Variants in TPD52L1 observed in about 807,000 individuals in gnomAD.
TPD52L1 encodes the protein TPD52 like 1.
Under a neutral mutation model 28.7 loss-of-function variants are expected in TPD52L1, and 18 were observed. That is an observed-to-expected ratio of 0.63 (90% CI 0.43 to 0.93). TPD52L1 has a LOEUF of 0.93. Ranked by LOEUF, TPD52L1 falls within the 40% of genes least tolerant of loss-of-function variation. TPD52L1 has a pLI of 0.00. For missense variants in TPD52L1, 203 were observed against 254.8 expected (o/e 0.80, Z 1.39); for synonymous variants, 75 against 88.8 (o/e 0.84, Z 0.88).
chr6:125,241,179 C>T (rs931573501), intron 3 of TPD52L1, among the ~76,000 whole-genome samples: 1 of 152,110 alleles, frequency 6.6e-6, no homozygotes, highest in East Asian at 1.9e-4. Context: ...ATGAAATCCA[C>T]TTGATCATGG....
intron 1 of TPD52L1, among the ~76,000 whole-genome samples, chr6:125,168,079 C>G (rs1791023817): frequency 6.6e-6 from 1 of 152,152 alleles, no homozygotes; most frequent in African/African-American, 2.4e-5. Context: ...CTTACTATCT[C>G]AAATCTTTCA....
chr6:125,163,174 C>T (rs1678351371), intron 1 of TPD52L1, among the ~76,000 whole-genome samples: 1 of 152,202 alleles, frequency 6.6e-6, no homozygotes, highest in Admixed American at 6.5e-5. Flanking sequence ...GACATATTTC[C>T]ATCCCAATGG....
intron 6 of TPD52L1, among the ~76,000 whole-genome samples, chr6:125,258,313 A>G (rs1002182244): frequency 6.6e-6 from 1 of 152,192 alleles, no homozygotes; most frequent in Non-Finnish European, 1.5e-5. Context: ...ACCGCTCTGC[A>G]TGCCAACATC....
intron 1 of TPD52L1, among the ~76,000 whole-genome samples, chr6:125,206,213 A>T (rs925149251): frequency 2.6e-5 from 4 of 152,206 alleles, no homozygotes; most frequent in Admixed American, 2.6e-4. Flanking sequence ...TTTCAGAAGG[A>T]CAATAAATGT....
At chr6:125,236,277 A>G (rs1323064728) in intron 3 of TPD52L1, among the ~76,000 whole-genome samples, 2 of 152,208 alleles carry the variant, frequency 1.3e-5, no homozygotes, top group African/African-American at 4.8e-5. Context: ...ATAAAATTTC[A>G]TATAGAAATA....
chr6:125,243,292 T>C (rs952047808), intron 3 of TPD52L1, among the ~76,000 whole-genome samples: 7 of 152,166 alleles, frequency 4.6e-5, no homozygotes, highest in African/African-American at 1.7e-4. Context: ...TATGTGATGA[T>C]CTTTTTGTGA....
At chr6:125,214,362 A>G (rs868725442) in intron 1 of TPD52L1, 15 of 640,106 alleles carry the variant, frequency 2.3e-5, no homozygotes, top group Middle Eastern at 1.6e-3. Context: ...CCAGAGAGAA[A>G]GGTGGGACAT....
At chr6:125,256,717 C>T (rs1264940451) in intron 5 of TPD52L1, among the ~76,000 whole-genome samples, 1 of 152,168 alleles carries the variant, frequency 6.6e-6, no homozygotes, top group Non-Finnish European at 1.5e-5. Flanking sequence ...ACTAAAAAAC[C>T]TGAGTCAGGA....
chr6:125,246,975 T>G (rs1045591464), intron 3 of TPD52L1, among the ~76,000 whole-genome samples: 3 of 152,068 alleles, frequency 2.0e-5, no homozygotes, highest in African/African-American at 7.2e-5. Context: ...CTAACAATAT[T>G]ATAGACAGAT....
At chr6:125,248,126 A>G (rs757631501) in intron 3 of TPD52L1, among the ~76,000 whole-genome samples, 156 bp from the exon 4 acceptor site, 13 of 152,222 alleles carry the variant, frequency 8.5e-5, no homozygotes, top group Non-Finnish European at 1.8e-4. Context: ...CAGCCAACCC[A>G]TCATCCCCAG....
At chr6:125,195,766 C>T (rs1424204032) in intron 1 of TPD52L1, among the ~76,000 whole-genome samples, 1 of 152,192 alleles carries the variant, frequency 6.6e-6, no homozygotes, top group Non-Finnish European at 1.5e-5. Context: ...GCCAAGTGCA[C>T]TGACCCATCT....
At chr6:125,226,099 G>T (rs1476513545) in intron 2 of TPD52L1, among the ~76,000 whole-genome samples, 1 of 152,186 alleles carries the variant, frequency 6.6e-6, no homozygotes, top group East Asian at 1.9e-4. Flanking sequence ...TGTAATTAAA[G>T]ATTGTCTGTC....
chr6:125,178,081 T>G (rs73771255), intron 1 of TPD52L1, among the ~76,000 whole-genome samples: 1,673 of 152,320 alleles, frequency 0.011, 27 homozygotes, highest in African/African-American at 0.038. Flanking sequence ...ATAAGCCTGA[T>G]AGTCTCTCAA....
rs560626136 is a variant in TPD52L1, at chr6:125,263,162, A to T, written c.*200A>T. 1.3e-5 allele frequency: 8 copies of T among 607,756 alleles called. No individual in the cohort carries two copies. The highest frequency in any genetic ancestry group is 2.2e-5 in the Non-Finnish European group (8 of 360,698). The allele number at this position is 607,756 out of a possible 1,614,324, so 37.6% of individuals were successfully genotyped here. A position where few individuals can be genotyped will look rare whatever the true frequency, so the allele number is the denominator to read the frequency against. The stretch of plus-strand genomic sequence containing the variant: ...ATGGACCACTTGACCATCACATTTC[A>T]GTATTCATAGATGACTGTCACATTT... On this transcript the variant is annotated 3_prime_UTR_variant, in exon 7 of 7. Coordinates refer to ENST00000534000, the MANE Select transcript of TPD52L1 (RefSeq NM_003287.4).
intron 3 of TPD52L1, among the ~76,000 whole-genome samples, chr6:125,242,260 T>C (rs1217256160): frequency 1.3e-5 from 2 of 152,130 alleles, no homozygotes; most frequent in East Asian, 3.8e-4. Flanking sequence ...AAAGAGTGTA[T>C]ACTGCAATTG....
intron 1 of TPD52L1, among the ~76,000 whole-genome samples, chr6:125,176,531 T>C (rs1034640936): frequency 4.6e-5 from 7 of 152,196 alleles, no homozygotes; most frequent in Admixed American, 2.6e-4. Flanking sequence ...TTTAGTTTTG[T>C]AGAACTCGAG....
chr6:125,216,061 G>A (rs768845962), intron 1 of TPD52L1, among the ~76,000 whole-genome samples: 53 of 152,268 alleles, frequency 3.5e-4, no homozygotes, highest in Middle Eastern at 3.4e-3. Flanking sequence ...TACTTTCTGG[G>A]TCTATCTCTC....
intron 1 of TPD52L1, among the ~76,000 whole-genome samples, chr6:125,205,277 G>A (rs1794050932): frequency 6.6e-6 from 1 of 152,310 alleles, no homozygotes. Flanking sequence ...ACCCCGACCT[G>A]AAAGGCCGGC....
chr6:125,216,891 G>A (rs1327333296), intron 1 of TPD52L1, among the ~76,000 whole-genome samples: 1 of 151,934 alleles, frequency 6.6e-6, no homozygotes, highest in Admixed American at 6.6e-5. Flanking sequence ...TGAATACCAG[G>A]GACTCAAGAG....
Sources: gnomAD v4.1 joint callset for allele counts (sites outside exome capture counted in the v4.1 genomes callset) on GRCh38, gnomAD v4.1.1 for gene constraint, MANE v1.5 for transcripts, NCBI Gene and HGNC (gene_info 2026-07-23, HGNC 2026-07-21) for gene names.